The following ATP7A variants were observed in gnomAD, a reference collection of about 807,000 sequenced individuals.
ATP7A encodes ATPase copper transporting alpha.
ATP7A carries 7 observed loss-of-function variants against 83.5 expected under a neutral mutation model. That is an observed-to-expected ratio of 0.08 (90% confidence interval 0.05 to 0.16). The LOEUF is 0.16. ATP7A is among the 10% of genes least tolerant of loss of function. The pLI is 1.00. For synonymous variants in ATP7A, 354 were observed against 395.2 expected, an observed-to-expected ratio of 0.90 and a Z score of 1.24; for missense variants, 940 against 1,120.8, an observed-to-expected ratio of 0.84 and a Z score of 2.30.
intron 17 of ATP7A, among the ~76,000 whole-genome samples, chrX:78,037,917 A>G (rs910572436): frequency 3.8e-5 from 4 of 105,226 alleles, no homozygotes; most frequent in Non-Finnish European, 5.8e-5. Context: ...ACTTTTGGAA[A>G]GTTTTGCTAT....
chrX:78,036,841 G>A (rs897828176), intron 17 of ATP7A, among the ~76,000 whole-genome samples: 6 of 111,681 alleles, frequency 5.4e-5, no homozygotes, highest in African/African-American at 1.6e-4. Context: ...AGATGAGTTG[G>A]TGGACATTGT....
intron 18 of ATP7A, 48 bp from the exon 19 acceptor site, chrX:78,040,543 C>T (rs2075746634): frequency 1.7e-6 from 2 of 1,184,800 alleles, no homozygotes; most frequent in African/African-American, 1.8e-5. Flanking sequence ...TGTTATTCTC[C>T]TTTCACTATA....
At chrX:77,970,722 C>T (rs1297039870) in intron 1 of ATP7A, among the ~76,000 whole-genome samples, 2 of 111,427 alleles carry the variant, frequency 1.8e-5, no homozygotes, top group Non-Finnish European at 3.8e-5. Flanking sequence ...AAACAAGAAA[C>T]AAGTCATTAA....
chrX:77,969,484 A>C, intron 1 of ATP7A: 1 of 1,210,242 alleles, frequency 8.3e-7, no homozygotes, highest in South Asian at 1.8e-5. Flanking sequence ...GCAGATGTCA[A>C]ACTCATAGCC....
intron 2 of ATP7A, among the ~76,000 whole-genome samples, chrX:77,973,592 T>C (rs1557229929): frequency 8.9e-6 from 1 of 112,582 alleles, no homozygotes; most frequent in East Asian, 2.7e-4. Context: ...TATACCTTCT[T>C]TGGTGAAATG....
intron 1 of ATP7A, chrX:77,923,049 A>C (rs1453644175): frequency 8.9e-6 from 1 of 112,282 alleles, no homozygotes; most frequent in Non-Finnish European, 1.9e-5. Flanking sequence ...GAAGGTATAC[A>C]ACAGTAAGCA....
At chrX:78,034,918 A>C (rs1557237585) in intron 17 of ATP7A, among the ~76,000 whole-genome samples, 1 of 109,540 alleles carries the variant, frequency 9.1e-6, no homozygotes, top group Non-Finnish European at 1.9e-5. Context: ...AATTTTTTGT[A>C]TTTTTAGTAG....
At chrX:77,916,825 G>A (rs1363462558) in intron 1 of ATP7A, among the ~76,000 whole-genome samples, 1 of 111,523 alleles carries the variant, frequency 9.0e-6, no homozygotes, top group Non-Finnish European at 1.9e-5. Context: ...AGAAGCATAA[G>A]GCATATGTTC....
At chrX:78,009,437 G>A (rs1557234150) in intron 7 of ATP7A, 174 bp downstream of exon 7, 3 of 564,056 alleles carry the variant, frequency 5.3e-6, no homozygotes, top group Non-Finnish European at 8.7e-6. Flanking sequence ...TTTTTTTTTG[G>A]TCTTTTTCAG....
chrX:77,985,082 C>T (rs1433970135), intron 2 of ATP7A, among the ~76,000 whole-genome samples: 4 of 110,936 alleles, frequency 3.6e-5, no homozygotes, highest in South Asian at 3.8e-4. Flanking sequence ...TGCAGTGGCA[C>T]GACTTTGGCT....
At position 78,015,461 on chromosome X, in the gene ATP7A, A is replaced by G. The variant is rs1285381720; in HGVS notation, c.2499-293A>G. Reference sequence around the variant, plus strand: ...CTAATAAAATTGTTTAGGCAAAGTTACATAATAAAGAAATTTTTAGTTAAA... The same window carrying G: ...CTAATAAAATTGTTTAGGCAAAGTTGCATAATAAAGAAATTTTTAGTTAAA... On this transcript the variant is annotated intron_variant, in intron 11 of 22. Coordinates refer to ENST00000341514, the MANE Select transcript of ATP7A (RefSeq NM_000052.7). 4.4e-5 allele frequency among the ~76,000 whole-genome samples: 5 copies of G among 112,608 alleles called. No homozygotes were observed. In the East Asian group the frequency reaches 1.1e-3, roughly 25 times the overall value.
intron 1 of ATP7A, among the ~76,000 whole-genome samples, chrX:77,968,420 T>G (rs2077522729): frequency 8.9e-6 from 1 of 112,306 alleles, no homozygotes; most frequent in African/African-American, 3.2e-5. Context: ...CCATGCAGAT[T>G]ACATTCATCT....
At chrX:78,044,084 G>A (rs1279605791) in intron 21 of ATP7A, among the ~76,000 whole-genome samples, 2 of 106,629 alleles carry the variant, frequency 1.9e-5, no homozygotes, top group Admixed American at 2.0e-4. Flanking sequence ...GAGAAACCCC[G>A]TCTCTACTAA....
intron 4 of ATP7A, among the ~76,000 whole-genome samples, chrX:77,993,698 G>T (rs2149085134): frequency 9.0e-6 from 1 of 111,170 alleles, no homozygotes; most frequent in South Asian, 3.8e-4. Flanking sequence ...TAGGAGAAAT[G>T]ATTGATATTC....
At chrX:77,998,388 A>AGT (rs1162959913) in intron 4 of ATP7A, 90 bp from the exon 5 acceptor site, 2 of 892,486 alleles carry the variant, frequency 2.2e-6, no homozygotes, top group African/African-American at 3.9e-5. Flanking sequence ...ATAGATTGTC[A>AGT]GTGCCTGGAG....
At chrX:77,987,444 T>TTGTGTGTGTGTGTG (rs3986431) in intron 2 of ATP7A, among the ~76,000 whole-genome samples, 1 of 85,867 alleles carries the variant, frequency 1.2e-5, no homozygotes, top group African/African-American at 4.4e-5. Flanking sequence ...AACCCAGTAT[T>TTGTGTGTGTGTGTG]TGTGTGTGTG....
intron 2 of ATP7A, among the ~76,000 whole-genome samples, chrX:77,984,988 A>C (rs782759268): frequency 8.9e-6 from 1 of 112,051 alleles, no homozygotes; most frequent in Non-Finnish European, 1.9e-5. Context: ...GATAGGCTAA[A>C]GCAGTTAGAA....
At chrX:77,940,716 G>A (rs2077346697) in intron 1 of ATP7A, among the ~76,000 whole-genome samples, 3 of 109,347 alleles carry the variant, frequency 2.7e-5, no homozygotes, top group African/African-American at 1.1e-4. Flanking sequence ...TTACCTATCT[G>A]TAACAAAAAA....
At chrX:77,956,779 C>CTTTCTTTCT (rs2077446084) in intron 1 of ATP7A, among the ~76,000 whole-genome samples, 1 of 97,587 alleles carries the variant, frequency 1.0e-5, no homozygotes, top group Non-Finnish European at 2.1e-5. Flanking sequence ...TTCTTTCTTT[C>CTTTCTTTCT]TTTCTTTCTC....
Sources: allele counts gnomAD v4.1 joint callset (sites outside exome capture counted in the v4.1 genomes callset), GRCh38; gene constraint gnomAD v4.1.1; transcripts MANE v1.5; gene names NCBI Gene and HGNC (gene_info 2026-07-23, HGNC 2026-07-21).